The following EPHB1 variants were observed in gnomAD, a reference collection of about 807,000 sequenced individuals.
EPHB1 encodes the protein EPH receptor B1.
Under a neutral mutation model 94.4 loss-of-function variants are expected in EPHB1, and 30 were observed. That is an observed-to-expected ratio of 0.32 (90% CI 0.24 to 0.43). The LOEUF (loss-of-function observed/expected upper bound fraction) is 0.43, where lower values mean the gene tolerates loss of function less well. EPHB1 is among the 20% of genes least tolerant of loss of function. The pLI is 1.00. For missense variants in EPHB1, 1,055 were observed against 1,308.3 expected (o/e 0.81, Z 2.99); for synonymous variants, 522 against 489.1 (o/e 1.07, Z -0.89).
At chr3:134,871,688 A>G (rs377194837) in intron 1 of EPHB1, among the ~76,000 whole-genome samples, 1 of 152,164 alleles carries the variant, frequency 6.6e-6, no homozygotes, top group African/African-American at 2.4e-5. Context: ...ATGACTACCA[A>G]ACTTACTTCC....
At chr3:134,927,321 G>A (rs2038814173) in intron 2 of EPHB1, among the ~76,000 whole-genome samples, 2 of 152,224 alleles carry the variant, frequency 1.3e-5, no homozygotes, top group Admixed American at 1.3e-4. Context: ...GAACTGCACT[G>A]CTCGAGGCAT....
intron 4 of EPHB1, among the ~76,000 whole-genome samples, chr3:135,124,195 C>T (rs1205826921): frequency 6.6e-6 from 1 of 151,726 alleles, no homozygotes; most frequent in Non-Finnish European, 1.5e-5. Context: ...GTCCTTTGGG[C>T]TGGGGAACAC....
chr3:135,143,224 C>G (rs1170913170), intron 5 of EPHB1, among the ~76,000 whole-genome samples: 1 of 152,112 alleles, frequency 6.6e-6, no homozygotes, highest in East Asian at 1.9e-4. Context: ...AGGCCCACAA[C>G]TCCATGGGGC....
intron 3 of EPHB1, among the ~76,000 whole-genome samples, chr3:135,024,339 G>A (rs1174112215): frequency 1.3e-5 from 2 of 152,180 alleles, no homozygotes; most frequent in African/African-American, 2.4e-5. Flanking sequence ...ACTGTTGGGT[G>A]GAATGAAAAC....
intron 4 of EPHB1, among the ~76,000 whole-genome samples, chr3:135,119,239 G>C (rs773712621): frequency 6.6e-6 from 1 of 152,004 alleles, no homozygotes; most frequent in Non-Finnish European, 1.5e-5. Flanking sequence ...AATTATATGT[G>C]ACACCCTGCC....
chr3:135,227,564 G>A (rs1403992404), intron 12 of EPHB1, among the ~76,000 whole-genome samples: 1 of 152,028 alleles, frequency 6.6e-6, no homozygotes, highest in Non-Finnish European at 1.5e-5. Context: ...CTCACTTCAT[G>A]CCTTTGGAGA....
intron 12 of EPHB1, among the ~76,000 whole-genome samples, chr3:135,233,761 G>C (rs1943587475): frequency 6.6e-6 from 1 of 152,206 alleles, no homozygotes; most frequent in African/African-American, 2.4e-5. Context: ...CTGAAATCTA[G>C]GCAGAGATCC....
At chr3:135,128,042 G>A (rs1327943956) in intron 4 of EPHB1, among the ~76,000 whole-genome samples, 2 of 152,176 alleles carry the variant, frequency 1.3e-5, no homozygotes, top group Admixed American at 6.5e-5. Context: ...AGTAACCGTG[G>A]CAACAGATCA....
At chr3:135,211,747 C>G (rs1166891125) in intron 12 of EPHB1, among the ~76,000 whole-genome samples, 2 of 152,200 alleles carry the variant, frequency 1.3e-5, no homozygotes, top group Non-Finnish European at 2.9e-5. Flanking sequence ...TCATATTTCT[C>G]TGGCTGCTTC....
At chr3:135,031,083 C>A (rs1039218877) in intron 3 of EPHB1, among the ~76,000 whole-genome samples, 1 of 152,168 alleles carries the variant, frequency 6.6e-6, no homozygotes, top group African/African-American at 2.4e-5. Flanking sequence ...TGCTTTGGCT[C>A]GTGCACGGTG....
intron 1 of EPHB1, among the ~76,000 whole-genome samples, chr3:134,856,503 T>A (rs2037121355): frequency 1.3e-5 from 2 of 152,352 alleles, no homozygotes; most frequent in South Asian, 4.1e-4. Flanking sequence ...TGGAATTTTT[T>A]AAAACTTTAC....
chr3:135,000,551 ATAAT>A (rs1433175145), intron 3 of EPHB1, among the ~76,000 whole-genome samples: 1 of 152,244 alleles, frequency 6.6e-6, no homozygotes, highest in Non-Finnish European at 1.5e-5. Context: ...TTTCAAACAA[ATAAT>A]TAATCATGCA....
intron 3 of EPHB1, among the ~76,000 whole-genome samples, chr3:135,029,415 C>T (rs1014991321): frequency 6.7e-6 from 1 of 149,080 alleles, no homozygotes; most frequent in Non-Finnish European, 1.5e-5. Flanking sequence ...TTAGGGCAGG[C>T]CTGGTGGTTA....
intron 1 of EPHB1, among the ~76,000 whole-genome samples, chr3:134,814,981 C>T (rs938163479): frequency 2.6e-5 from 4 of 152,156 alleles, no homozygotes; most frequent in Admixed American, 2.0e-4. Flanking sequence ...GTCCCAGTCT[C>T]TAAACTTCTG....
rs1100563 is a variant in EPHB1, at chr3:135,029,475, A to C, written c.806-76973A>C. On this transcript the variant is annotated intron_variant, in intron 3 of 15. Transcript: ENST00000398015. ...CTATAAAGTATTTTATTTCTCCTTC[A>C]CTTATGAAGCTTAGTTTGGCTGGAT... 2.4e-3 allele frequency among the ~76,000 whole-genome samples: 352 copies of C among 146,602 alleles called. 2 individuals are homozygous for C. The highest frequency in any genetic ancestry group is 8.1e-3 in the African/African-American group (329 of 40,556).
intron 1 of EPHB1, among the ~76,000 whole-genome samples, chr3:134,860,149 G>GGACACACACACACACACA (rs766332160): frequency 0.42 from 26,977 of 64,208 alleles, 3,467 homozygotes; most frequent in East Asian, 0.63. Flanking sequence ...GAGAAGGAAG[G>GGACACACACACACACACA]GACACACACA....
intron 14 of EPHB1, among the ~76,000 whole-genome samples, chr3:135,249,050 G>A (rs1371622331): frequency 1.3e-5 from 2 of 152,182 alleles, no homozygotes; most frequent in Non-Finnish European, 2.9e-5. Context: ...GGTTTACAAA[G>A]GAGTTGGGAG....
intron 3 of EPHB1, among the ~76,000 whole-genome samples, chr3:135,027,953 G>A (rs1936255932): frequency 7.0e-6 from 1 of 143,328 alleles, no homozygotes; most frequent in South Asian, 2.4e-4. Context: ...TTAGTCTTGG[G>A]AGAGTGTATG....
intron 4 of EPHB1, among the ~76,000 whole-genome samples, chr3:135,117,849 G>T (rs539638583): frequency 6.6e-6 from 1 of 152,306 alleles, no homozygotes; most frequent in South Asian, 2.1e-4. Context: ...GTGCTCAGTT[G>T]TGCAGGTTGG....
Sources: allele counts gnomAD v4.1 joint callset (sites outside exome capture counted in the v4.1 genomes callset), GRCh38; gene constraint gnomAD v4.1.1; transcripts MANE v1.5; gene names NCBI Gene and HGNC (gene_info 2026-07-23, HGNC 2026-07-21).